The following NRG1 variants were observed in gnomAD, a reference collection of about 807,000 sequenced individuals.
The protein encoded by NRG1 is neuregulin 1.
A neutral mutation model predicts 63.8 loss-of-function variants in NRG1; 18 were observed. That is an observed-to-expected ratio of 0.28 (90% CI 0.19 to 0.42). NRG1 has a LOEUF of 0.42. NRG1 is among the 10% of genes least tolerant of loss of function. The probability of loss-of-function intolerance (pLI) is 1.00; values close to 1 mark genes in which losing one functional copy is unlikely to be tolerated. For missense variants in NRG1, 762 were observed against 814.7 expected (o/e 0.94, Z 0.79); for synonymous variants, 302 against 301.3 (o/e 1.00, Z -0.02).
chr8:32,131,193 G>A (rs932541863), intron 1 of NRG1, among the ~76,000 whole-genome samples: 3 of 151,960 alleles, frequency 2.0e-5, no homozygotes, highest in African/African-American at 4.8e-5. Context: ...ATGGTTCCCA[G>A]TTATGAAATA....
At chr8:32,327,663 T>C (rs1224267532) in intron 1 of NRG1, among the ~76,000 whole-genome samples, 1 of 152,254 alleles carries the variant, frequency 6.6e-6, no homozygotes, top group Non-Finnish European at 1.5e-5. Flanking sequence ...TCCTTGTTTT[T>C]CTTGTTTTGT....
intron 1 of NRG1, among the ~76,000 whole-genome samples, chr8:32,460,836 A>G (rs1221570668): frequency 1.3e-5 from 2 of 152,138 alleles, no homozygotes; most frequent in African/African-American, 2.4e-5. Flanking sequence ...TTTAAGACTT[A>G]TCTAAGAAAT....
intron 4 of NRG1, 23 bp downstream of exon 4, chr8:32,614,587 A>T (rs549854047): frequency 3.0e-5 from 48 of 1,609,136 alleles, no homozygotes; most frequent in Non-Finnish European, 3.8e-5. Context: ...AGCCTGGCAA[A>T]TTTTACTAAC....
Position 32,650,909 on chromosome 8 carries a change from A to G in NRG1, c.502+34024A>G, listed in dbSNP as rs543458833. 9.9e-5 allele frequency among the ~76,000 whole-genome samples: 15 copies of G among 152,142 alleles called. No homozygotes were observed. The South Asian group carries it at 1.5e-3, about 15-fold the overall frequency. ...AGCATATTCAGCACATTATGCACAGAGCTGTAGCCTTCAAGGTCATAGACT... is the reference window on the plus strand; with the variant it reads ...AGCATATTCAGCACATTATGCACAGGGCTGTAGCCTTCAAGGTCATAGACT... On this transcript the variant is annotated intron_variant, in intron 5 of 11. Transcript: ENST00000356819.
intron 1 of NRG1, among the ~76,000 whole-genome samples, chr8:31,747,363 T>C (rs1815993728): frequency 6.6e-6 from 1 of 151,788 alleles, no homozygotes; most frequent in Non-Finnish European, 1.5e-5. Flanking sequence ...ACTGCCTGGG[T>C]TTGTGTCACT....
intron 1 of NRG1, among the ~76,000 whole-genome samples, chr8:31,647,109 T>C (rs908458493): frequency 6.6e-6 from 1 of 152,214 alleles, no homozygotes; most frequent in African/African-American, 2.4e-5. Flanking sequence ...CAGTTTATTT[T>C]GGGTGACAGA....
chr8:32,715,604 G>C (rs1818977319), intron 5 of NRG1, among the ~76,000 whole-genome samples: 2 of 150,216 alleles, frequency 1.3e-5, no homozygotes, highest in African/African-American at 4.9e-5. Flanking sequence ...TCAGAAGTAA[G>C]GATTTCTTAA....
chr8:32,500,456 G>A (rs563142451), intron 1 of NRG1, among the ~76,000 whole-genome samples: 4 of 152,286 alleles, frequency 2.6e-5, no homozygotes, highest in South Asian at 2.1e-4. Flanking sequence ...CTTTGTAAGC[G>A]TTGGTGCCAT....
intron 1 of NRG1, among the ~76,000 whole-genome samples, chr8:31,826,984 C>T (rs1403083386): frequency 1.3e-5 from 2 of 152,146 alleles, no homozygotes; most frequent in Admixed American, 6.5e-5. Flanking sequence ...GAAGATTGTT[C>T]ATTGGGCTTT....
chr8:31,673,290 T>C (rs1807350580), intron 1 of NRG1, among the ~76,000 whole-genome samples: 1 of 152,178 alleles, frequency 6.6e-6, no homozygotes, highest in South Asian at 2.1e-4. Flanking sequence ...ACACTGATTC[T>C]CTTTCCACTC....
intron 1 of NRG1, among the ~76,000 whole-genome samples, chr8:31,966,203 G>A (rs1414268039): frequency 6.6e-6 from 1 of 151,080 alleles, no homozygotes; most frequent in Non-Finnish European, 1.5e-5. Context: ...GCAATGTCAA[G>A]AAACATTTTT....
intron 1 of NRG1, among the ~76,000 whole-genome samples, chr8:31,959,793 T>A (rs55836359): frequency 0.44 from 40,434 of 92,690 alleles, 6,830 homozygotes; most frequent in African/African-American, 0.59. Flanking sequence ...TTTATTTATT[T>A]ATTATTTATT....
At chr8:31,903,116 G>A (rs1832225091) in intron 1 of NRG1, among the ~76,000 whole-genome samples, 1 of 151,232 alleles carries the variant, frequency 6.6e-6, no homozygotes, top group Non-Finnish European at 1.5e-5. Context: ...GAGTGAAGGA[G>A]GCTTCAGATG....
downstream of NRG1, among the ~76,000 whole-genome samples, chr8:32,771,751 G>A (rs1179471402): frequency 1.4e-5 from 2 of 138,590 alleles, no homozygotes; most frequent in Non-Finnish European, 3.1e-5. Flanking sequence ...GGCCTGGCAC[G>A]GTGGCTCATG....
Position 32,123,324 on chromosome 8 carries a change from A to G in NRG1, c.38-472504A>G, listed in dbSNP as rs987578874. 2.6e-5 allele frequency among the ~76,000 whole-genome samples: 4 copies of G among 151,882 alleles called. No homozygotes were observed. In the East Asian group the frequency reaches 7.8e-4, roughly 30 times the overall value. ...AGGTCTTTCCCCTGCTGTTCTCATGATAGTAAGTCTCATGAGATCTGATGA... is the reference window on the plus strand; with the variant it reads ...AGGTCTTTCCCCTGCTGTTCTCATGGTAGTAAGTCTCATGAGATCTGATGA... On this transcript the variant is annotated intron_variant, in intron 1 of 10. Coordinates refer to the NRG1 transcript ENST00000519301.
At chr8:32,207,538 T>G (rs1844200097) in intron 1 of NRG1, among the ~76,000 whole-genome samples, 1 of 152,196 alleles carries the variant, frequency 6.6e-6, no homozygotes, top group African/African-American at 2.4e-5. Flanking sequence ...TCTTTCTAGT[T>G]CAGTAGGGAA....
At chr8:32,494,908 G>T (rs1463642216) in intron 1 of NRG1, among the ~76,000 whole-genome samples, 1 of 152,082 alleles carries the variant, frequency 6.6e-6, no homozygotes. Context: ...TGTAATTTGG[G>T]TCCTGTATAC....
intron 1 of NRG1, among the ~76,000 whole-genome samples, chr8:32,116,670 C>A (rs1236712827): frequency 6.6e-6 from 1 of 152,046 alleles, no homozygotes; most frequent in Non-Finnish European, 1.5e-5. Flanking sequence ...ATAAACTCAT[C>A]TTACAATGTT....
intron 1 of NRG1, among the ~76,000 whole-genome samples, chr8:32,465,909 T>G (rs1823000402): frequency 3.9e-5 from 6 of 152,210 alleles, no homozygotes; most frequent in Admixed American, 3.9e-4. Context: ...AAAAAAAGTT[T>G]AAAAGTGTGT....
Sources: gnomAD v4.1 joint callset for allele counts (sites outside exome capture counted in the v4.1 genomes callset) on GRCh38, gnomAD v4.1.1 for gene constraint, MANE v1.5 for transcripts, NCBI Gene and HGNC (gene_info 2026-07-23, HGNC 2026-07-21) for gene names.